TRIM9: variants seen among roughly 807,000 people sequenced by gnomAD.
TRIM9 encodes tripartite motif containing 9.
TRIM9 carries 26 observed loss-of-function variants against 78.3 expected under a neutral mutation model. The ratio of observed to expected loss-of-function variants is 0.33; its 90% CI spans 0.24 to 0.46. The LOEUF (loss-of-function observed/expected upper bound fraction) is 0.46. Ranked by LOEUF, TRIM9 falls within the 20% of genes least tolerant of loss-of-function variation. The pLI, the probability that TRIM9 is intolerant of heterozygous loss-of-function variation, is 1.00. For missense variants in TRIM9, 787 were observed against 1,036.4 expected (o/e 0.76, Z 3.30); for synonymous variants, 398 against 416.5 (o/e 0.96, Z 0.54).
chr14:51,071,387 G>GAAAAAAAAAAAAAAAAA (rs56726763), intron 1 of TRIM9, among the ~76,000 whole-genome samples: 3 of 115,850 alleles, frequency 2.6e-5, no homozygotes, highest in African/African-American at 3.2e-5. Flanking sequence ...AAAAAAAAAA[G>GAAAAAAAAAAAAAAAAA]AAAAAAAAAA....
chr14:51,018,220 C>T (rs1026733679), intron 3 of TRIM9, among the ~76,000 whole-genome samples: 1 of 151,872 alleles, frequency 6.6e-6, no homozygotes, highest in Admixed American at 6.6e-5. Flanking sequence ...ATGACTGTAG[C>T]CAGTCAAATA....
chr14:50,996,975 A>G, intron 7 of TRIM9: 5 of 985,442 alleles, frequency 5.1e-6, no homozygotes, highest in Non-Finnish European at 6.0e-6. Context: ...GGTGACTGGC[A>G]CATGTTGAGG....
At chr14:51,040,559 T>C (rs1351113760) in intron 1 of TRIM9, among the ~76,000 whole-genome samples, 1 of 152,204 alleles carries the variant, frequency 6.6e-6, no homozygotes. Flanking sequence ...ACAACATGTA[T>C]CCTCTGCTCA....
intron 2 of TRIM9, among the ~76,000 whole-genome samples, chr14:51,023,276 T>C (rs74854568): frequency 6.6e-6 from 1 of 152,182 alleles, no homozygotes; most frequent in Non-Finnish European, 1.5e-5. Flanking sequence ...CCACATATGT[T>C]CAGCTATGTA....
At chr14:51,015,505 C>CTTTTCTTTTTTTTTTTTTTTTTTT (rs1555338411) in intron 3 of TRIM9, among the ~76,000 whole-genome samples, 6 of 61,326 alleles carry the variant, frequency 9.8e-5, no homozygotes, top group African/African-American at 3.4e-4. Flanking sequence ...CTTTACTTTT[C>CTTTTCTTTTTTTTTTTTTTTTTTT]TTTTTTTTTT....
chr14:50,982,167 A>G, intron 10 of TRIM9, 64 bp from the exon 11 acceptor site: 1 of 1,568,458 alleles, frequency 6.4e-7, no homozygotes, highest in African/African-American at 1.4e-5. Context: ...ACCATAACAT[A>G]CTCCTGGGCG....
chr14:51,029,436 C>T (rs1458576006), intron 1 of TRIM9, among the ~76,000 whole-genome samples: 1 of 152,176 alleles, frequency 6.6e-6, no homozygotes, highest in Non-Finnish European at 1.5e-5. Context: ...CACTCCCGCT[C>T]CTTCCCAGGT....
At chr14:51,061,644 T>C (rs1029231017) in intron 1 of TRIM9, among the ~76,000 whole-genome samples, 5 of 152,366 alleles carry the variant, frequency 3.3e-5, no homozygotes, top group Middle Eastern at 3.4e-3. Context: ...TTAATGATTG[T>C]AGCTTATACT....
chr14:51,009,062 G>C lies in TRIM9; in HGVS notation c.1306+18C>G. The C allele has an allele frequency of 6.2e-7, 1 of 1,612,642 alleles. No homozygotes were observed. Among genetic ancestry groups the C allele is most frequent in the Non-Finnish European group, 8.5e-7 (1 of 1,179,452 alleles). ...ACTCAGGATGTTGCTCTCTGACTTG[G>C]GGGATGCAAGGACATACCTTTCACT... On this transcript the variant is annotated intron_variant, in intron 5 of 12. Transcript: ENST00000684578.
At position 51,009,211 on chromosome 14, in the gene TRIM9, C is replaced by T; in HGVS notation, c.1175G>A (p.Arg392Lys). 6.2e-7 allele frequency: 1 copy of T among 1,614,070 alleles called. No individual in the cohort carries two copies. ...CCACTGATCCTCAGTCAGGTGCACTCTTCTTATGAGGGCGTCAGAAATCTA... is the reference window on the plus strand; with the variant it reads ...CCACTGATCCTCAGTCAGGTGCACTTTTCTTATGAGGGCGTCAGAAATCTA... Reference protein sequence around the residue: ...FLQISDALIRRVHLTEDQWGK... With the variant: ...FLQISDALIRKVHLTEDQWGK... Residue 392 changes from arginine (R) to lysine (K), a missense_variant, in exon 5 of 13, where the codon AGA becomes AAA. Coordinates refer to ENST00000684578, the MANE Select transcript of TRIM9 (RefSeq NM_001387360.1).
At chr14:51,027,769 C>T (rs528514600) in intron 1 of TRIM9, among the ~76,000 whole-genome samples, 5 of 152,042 alleles carry the variant, frequency 3.3e-5, no homozygotes, top group Non-Finnish European at 4.4e-5. Flanking sequence ...TTTGGAAGAG[C>T]AGGCAATAAT....
chr14:51,022,695 T>A lies in TRIM9; in HGVS notation c.1041+140A>T, dbSNP rs1473743802. 3.8e-6 allele frequency: 5 copies of A among 1,325,276 alleles called. No homozygotes were observed. The East Asian group carries it at 1.2e-4, about 31-fold the overall frequency. 82.1% of individuals were successfully genotyped at this position (1,325,276 alleles called of 1,614,324 possible). A position where few individuals can be genotyped will look rare whatever the true frequency, so the allele number is the denominator to read the frequency against. On this transcript the variant is annotated intron_variant, in intron 3 of 12. Coordinates refer to ENST00000684578, the MANE Select transcript of TRIM9 (RefSeq NM_001387360.1). ...GAATGAAGGGAGGTGTCTGTTCCTT[T>A]CTGGCCAGACCACTGGCTACCCAAG...
At chr14:51,001,645 C>A (rs2055062358) in intron 5 of TRIM9, among the ~76,000 whole-genome samples, 1 of 152,180 alleles carries the variant, frequency 6.6e-6, no homozygotes, top group African/African-American at 2.4e-5. Context: ...AATATTCCAT[C>A]ATTTTTTTTT....
chr14:51,042,163 T>C (rs1183910860), intron 1 of TRIM9, among the ~76,000 whole-genome samples: 1 of 152,220 alleles, frequency 6.6e-6, no homozygotes, highest in African/African-American at 2.4e-5. Context: ...TGATGCATTA[T>C]GCTAAGTGAG....
chr14:51,049,435 T>G (rs374220262), intron 1 of TRIM9, among the ~76,000 whole-genome samples: 3 of 152,202 alleles, frequency 2.0e-5, no homozygotes, highest in Non-Finnish European at 4.4e-5. Context: ...CTGCCACGAT[T>G]GCTCAGCACA....
Position 50,993,902 on chromosome 14 carries a change from G to C in TRIM9, c.1603+4148C>G, listed in dbSNP as rs768143599. Among the ~76,000 whole-genome samples, 22 of 152,190 alleles carry C rather than the reference G, an allele frequency of 1.4e-4. 1 individual carries two copies. Among genetic ancestry groups the C allele is most frequent in the Non-Finnish European group, 2.2e-4 (15 of 68,028 alleles). On this transcript the variant is annotated intron_variant, in intron 7 of 12. Coordinates refer to ENST00000684578, the MANE Select transcript of TRIM9 (RefSeq NM_001387360.1). ...GCTCAGTTTCCCATAAGTAGAGAAA[G>C]ATGACAATAATAATACCTTCCTCAT...
At chr14:51,061,723 T>C (rs1378968515) in intron 1 of TRIM9, among the ~76,000 whole-genome samples, 1 of 152,178 alleles carries the variant, frequency 6.6e-6, no homozygotes, top group Non-Finnish European at 1.5e-5. Flanking sequence ...GGTTCTTTTG[T>C]TTTTTATTAT....
At chr14:51,091,604 G>A (rs77712910) in intron 1 of TRIM9, among the ~76,000 whole-genome samples, 2,762 of 152,214 alleles carry the variant, frequency 0.018, 87 homozygotes, top group African/African-American at 0.06. Context: ...AAATAAGGTG[G>A]GGGAGTAATG....
intron 1 of TRIM9, chr14:51,090,515 T>C (rs2064204376): frequency 1.3e-5 from 2 of 152,226 alleles, no homozygotes; most frequent in South Asian, 4.2e-4. Flanking sequence ...GAATGAATAG[T>C]GTTTAGAATA....
Sources: gnomAD v4.1 joint callset for allele counts (sites outside exome capture counted in the v4.1 genomes callset) on GRCh38, gnomAD v4.1.1 for gene constraint, MANE v1.5 for transcripts, NCBI Gene and HGNC (gene_info 2026-07-23, HGNC 2026-07-21) for gene names.